PPM1L: variants seen among roughly 807,000 people sequenced by gnomAD.
The protein encoded by PPM1L is protein phosphatase, Mg2+/Mn2+ dependent 1L, also known as protein phosphatase 1L.
PPM1L carries 13 observed loss-of-function variants against 31.4 expected under a neutral mutation model. That is an observed-to-expected ratio of 0.41 (90% CI 0.27 to 0.66). The LOEUF is 0.66. Among genes scored for constraint, PPM1L ranks in the 30% least tolerant of loss-of-function variants. The probability of loss-of-function intolerance (pLI) is 0.29; values close to 1 mark genes in which losing one functional copy is unlikely to be tolerated. For synonymous variants in PPM1L, 184 were observed against 175.4 expected (o/e 1.05, Z -0.39); for missense variants, 326 against 453.7 (o/e 0.72, Z 2.56).
chr3:160,797,465 G>A (rs189302759), intron 1 of PPM1L, among the ~76,000 whole-genome samples: 6 of 152,286 alleles, frequency 3.9e-5, no homozygotes, highest in Non-Finnish European at 7.4e-5. Context: ...AAGTGTTCAA[G>A]TGAAAGGAAG....
intron 2 of PPM1L, among the ~76,000 whole-genome samples, chr3:161,053,621 C>G (rs190016397): frequency 8.9e-4 from 136 of 152,260 alleles, no homozygotes; most frequent in Non-Finnish European, 1.5e-3. Context: ...ATGAACACTC[C>G]GTCAGATTCT....
chr3:160,875,929 C>G (rs1712492942), intron 1 of PPM1L, among the ~76,000 whole-genome samples: 1 of 152,206 alleles, frequency 6.6e-6, no homozygotes, highest in Admixed American at 6.5e-5. Context: ...ATGTAATACA[C>G]AAATTCTCGC....
intron 1 of PPM1L, among the ~76,000 whole-genome samples, chr3:160,786,580 GT>G (rs577130780): frequency 0.074 from 10,498 of 142,006 alleles, 564 homozygotes; most frequent in African/African-American, 0.15. Context: ...AGCCATTTGG[GT>G]TTTTTTTTTT....
intron 1 of PPM1L, 48 bp from the exon 2 acceptor site, chr3:160,961,688 G>A (rs984753406): frequency 1.3e-6 from 2 of 1,514,568 alleles, no homozygotes; most frequent in Non-Finnish European, 1.8e-6. Flanking sequence ...AAAGTCTAAG[G>A]GGAGAATTTC....
intron 1 of PPM1L, among the ~76,000 whole-genome samples, chr3:160,946,679 A>G (rs1449594697): frequency 6.6e-6 from 1 of 152,122 alleles, no homozygotes; most frequent in Non-Finnish European, 1.5e-5. Context: ...ACACAGGAAA[A>G]TAACAAGGTG....
intron 1 of PPM1L, among the ~76,000 whole-genome samples, chr3:160,900,107 G>A (rs549152812): frequency 6.6e-6 from 1 of 151,812 alleles, no homozygotes; most frequent in African/African-American, 2.4e-5. Context: ...CATCTTTGCT[G>A]TATTTTTTTT....
chr3:160,777,444 A>G (rs184159471), intron 1 of PPM1L, among the ~76,000 whole-genome samples: 1 of 152,348 alleles, frequency 6.6e-6, no homozygotes, highest in East Asian at 1.9e-4. Flanking sequence ...ATGTGTTCAC[A>G]TTGTTATGCA....
intron 2 of PPM1L, among the ~76,000 whole-genome samples, chr3:160,995,485 T>A (rs1254924161): frequency 6.6e-6 from 1 of 152,082 alleles, no homozygotes; most frequent in African/African-American, 2.4e-5. Flanking sequence ...CACACCCAGC[T>A]AATTTTTGTA....
intron 1 of PPM1L, among the ~76,000 whole-genome samples, chr3:160,923,530 C>G (rs1300407821): frequency 6.6e-6 from 1 of 152,146 alleles, no homozygotes; most frequent in Admixed American, 6.6e-5. Context: ...CTGAAATGGG[C>G]TCAACCCATG....
intron 2 of PPM1L, among the ~76,000 whole-genome samples, chr3:161,015,882 G>A (rs979812508): frequency 2.0e-5 from 3 of 152,140 alleles, no homozygotes; most frequent in African/African-American, 7.2e-5. Context: ...TCTGACTCTA[G>A]TGTTTGCTTT....
rs1437806652 is a variant in PPM1L at position 161,074,478 on chromosome 3, A to G, written c.*5321A>G. ...TACATCCAATATTTAGGAATAGCTC[A>G]TCCTCTGCACATTATCCAAAATATT... On this transcript the variant is annotated 3_prime_UTR_variant, in exon 4 of 4. Transcript: ENST00000498165. The G allele has an allele frequency of 6.6e-6, 1 of 152,250 alleles. No individual in the cohort carries two copies. The highest frequency in any genetic ancestry group is 1.9e-4 in the East Asian group (1 of 5,202). 9.4% of individuals were successfully genotyped at this position (152,250 alleles called of 1,614,324 possible). A position where few individuals can be genotyped will look rare whatever the true frequency, so the allele number is the denominator to read the frequency against.
At chr3:160,794,187 C>G (rs1353760494) in intron 1 of PPM1L, among the ~76,000 whole-genome samples, 4 of 152,062 alleles carry the variant, frequency 2.6e-5, no homozygotes, top group Admixed American at 6.6e-5. Context: ...TTTATCATAG[C>G]CAACTTTTGG....
intron 2 of PPM1L, among the ~76,000 whole-genome samples, chr3:160,992,370 A>T (rs1385023806): frequency 6.6e-6 from 1 of 152,222 alleles, no homozygotes; most frequent in Non-Finnish European, 1.5e-5. Flanking sequence ...ATTATCTCTA[A>T]AACGGAGATA....
intron 2 of PPM1L, among the ~76,000 whole-genome samples, chr3:161,041,887 C>T (rs1161401630): frequency 6.6e-6 from 1 of 152,108 alleles, no homozygotes; most frequent in Non-Finnish European, 1.5e-5. Flanking sequence ...TGAGATTTGA[C>T]ATATATTTGG....
At chr3:160,791,534 C>T (rs1177713869) in intron 1 of PPM1L, among the ~76,000 whole-genome samples, 2 of 152,032 alleles carry the variant, frequency 1.3e-5, no homozygotes, top group Non-Finnish European at 2.9e-5. Flanking sequence ...AACCAAAAAC[C>T]GTTCACTGAG....
intron 1 of PPM1L, among the ~76,000 whole-genome samples, chr3:160,900,396 GCTTTAAAACTATATTTT>G (rs1202570408): frequency 3.3e-5 from 5 of 151,768 alleles, no homozygotes; most frequent in Non-Finnish European, 7.4e-5. Flanking sequence ...TTTTAAAAAT[GCTTTAAAACTATATTTT>G]CTTTCCTACT....
Position 160,950,803 on chromosome 3 carries a change from A to G in PPM1L, c.400-10933A>G, listed in dbSNP as rs561284783. Among the ~76,000 whole-genome samples, 3 of 152,322 alleles carry G rather than the reference A, an allele frequency of 2.0e-5. No individual in the cohort carries two copies. The South Asian group carries it at 6.2e-4, about 32-fold the overall frequency. ...GATTAATAACTCATGAGTGTTTTAGAGTTCACTTCTACCAGTTCCACTGGC... is the reference window on the plus strand; with the variant it reads ...GATTAATAACTCATGAGTGTTTTAGGGTTCACTTCTACCAGTTCCACTGGC... On this transcript the variant is annotated intron_variant, in intron 1 of 3. Transcript: ENST00000498165.
At chr3:160,976,971 G>A (rs1042070047) in intron 2 of PPM1L, among the ~76,000 whole-genome samples, 1 of 152,114 alleles carries the variant, frequency 6.6e-6, no homozygotes, top group African/African-American at 2.4e-5. Flanking sequence ...ATGTTAGGGT[G>A]TCAATTTTGG....
chr3:160,853,333 A>T (rs1212542456), intron 1 of PPM1L, among the ~76,000 whole-genome samples: 1 of 152,228 alleles, frequency 6.6e-6, no homozygotes, highest in Non-Finnish European at 1.5e-5. Flanking sequence ...TGCTCCATAG[A>T]TTTAGAATGT....
Sources: gnomAD v4.1 joint callset for allele counts (sites outside exome capture counted in the v4.1 genomes callset) on GRCh38, gnomAD v4.1.1 for gene constraint, MANE v1.5 for transcripts, NCBI Gene and HGNC (gene_info 2026-07-23, HGNC 2026-07-21) for gene names.